KCND3: variants seen among roughly 807,000 people sequenced by gnomAD.
The protein encoded by KCND3 is potassium voltage-gated channel subfamily D member 3.
Under a neutral mutation model 51.1 loss-of-function variants are expected in KCND3, and 9 were observed. The ratio of observed to expected loss-of-function variants is 0.18; its 90% CI spans 0.11 to 0.31. The LOEUF (loss-of-function observed/expected upper bound fraction) is 0.31, where lower values mean the gene tolerates loss of function less well. Ranked by LOEUF, KCND3 falls within the 10% of genes least tolerant of loss-of-function variation. The probability of loss-of-function intolerance (pLI) is 1.00; values close to 1 mark genes in which losing one functional copy is unlikely to be tolerated. For synonymous variants in KCND3, 349 were observed against 368.0 expected (o/e 0.95, Z 0.59); for missense variants, 526 against 903.8 (o/e 0.58, Z 5.36).
intron 3 of KCND3, among the ~76,000 whole-genome samples, chr1:111,784,103 T>TCACACACACA (rs369429634): frequency 0.075 from 8,837 of 117,352 alleles, 300 homozygotes; most frequent in Non-Finnish European, 0.091. Flanking sequence ...CATTAACTTA[T>TCACACACACA]CACACACACA....
At chr1:111,816,730 G>T (rs1666107902) in intron 2 of KCND3, among the ~76,000 whole-genome samples, 1 of 152,220 alleles carries the variant, frequency 6.6e-6, no homozygotes, top group Admixed American at 6.5e-5. Context: ...GAAGTCATTT[G>T]TCTCAACTCA....
intron 2 of KCND3, among the ~76,000 whole-genome samples, chr1:111,873,456 G>A (rs538352931): frequency 6.6e-6 from 1 of 152,214 alleles, no homozygotes; most frequent in Non-Finnish European, 1.5e-5. Context: ...CTGAAGGAGA[G>A]AGTCTTACAC....
intron 2 of KCND3, among the ~76,000 whole-genome samples, chr1:111,800,800 CTGGT>C (rs1283239579): frequency 6.6e-6 from 1 of 152,228 alleles, no homozygotes; most frequent in Non-Finnish European, 1.5e-5. Context: ...TGGGGCATCC[CTGGT>C]TGGGGCTGGG....
At chr1:111,955,770 C>T (rs987253726) in intron 2 of KCND3, among the ~76,000 whole-genome samples, 3 of 152,142 alleles carry the variant, frequency 2.0e-5, no homozygotes, top group African/African-American at 7.2e-5. Flanking sequence ...GATGAAACAG[C>T]CAACATTGCG....
chr1:111,899,727 G>A (rs189155156), intron 2 of KCND3, among the ~76,000 whole-genome samples: 1 of 152,166 alleles, frequency 6.6e-6, no homozygotes, highest in Non-Finnish European at 1.5e-5. Flanking sequence ...TGTCAGCATA[G>A]GGCAGTTGCA....
chr1:111,774,971 G>C lies in KCND3; in HGVS notation c.*1106C>G, dbSNP rs990715782. On this transcript the variant is annotated 3_prime_UTR_variant, in exon 8 of 8. Coordinates refer to ENST00000302127, the MANE Select transcript of KCND3 (RefSeq NM_001378969.1). ...CATACCAGAGTTGACCGCGTCTCAG[G>C]TGTTGGCGATTTGCCTTTTCAAGAT... The C allele has an allele frequency of 2.6e-5, 4 of 152,180 alleles. No individual in the cohort carries two copies. Among genetic ancestry groups the C allele is most frequent in the African/African-American group, 9.7e-5 (4 of 41,424 alleles). 9.4% of individuals were successfully genotyped at this position (152,180 alleles called of 1,614,324 possible).
intron 2 of KCND3, among the ~76,000 whole-genome samples, chr1:111,878,910 G>A (rs1228362198): frequency 6.6e-6 from 1 of 152,200 alleles, no homozygotes; most frequent in Non-Finnish European, 1.5e-5. Flanking sequence ...ACTGAGTAAA[G>A]CAGATGGCCC....
At chr1:111,935,614 G>A (rs1672182718) in intron 2 of KCND3, among the ~76,000 whole-genome samples, 1 of 152,174 alleles carries the variant, frequency 6.6e-6, no homozygotes, top group African/African-American at 2.4e-5. Context: ...GATGGAGATG[G>A]TGACAGCCTC....
At chr1:111,826,636 G>T (rs1388229830) in intron 2 of KCND3, among the ~76,000 whole-genome samples, 1 of 152,168 alleles carries the variant, frequency 6.6e-6, no homozygotes, top group East Asian at 1.9e-4. Flanking sequence ...GGTTTACTAT[G>T]TCAACGAGTT....
At chr1:111,915,066 G>A (rs1188479253) in intron 2 of KCND3, among the ~76,000 whole-genome samples, 1 of 152,072 alleles carries the variant, frequency 6.6e-6, no homozygotes, top group Admixed American at 6.5e-5. Context: ...GGCAGATTTT[G>A]ATATGCTAAA....
chr1:111,987,814 G>A (rs1675372921), intron 1 of KCND3, among the ~76,000 whole-genome samples: 1 of 152,146 alleles, frequency 6.6e-6, no homozygotes, highest in Admixed American at 6.5e-5. Flanking sequence ...AGCTATTTTT[G>A]TTTTTGGCAG....
rs147262533 is a variant in KCND3 at position 111,776,155 on chromosome 1, C to T, written c.1890G>A (p.Arg630=). The change falls in exon 8 of 8, where the codon CGG becomes CGA. Residue 630 remains arginine, a synonymous_variant. Transcript: ENST00000302127. ...PPALTPEGES[R]PPPASPGPNT... ...TGGGGCCTGGGCTGGCAGGGGGTGG[C>T]CGACTTTCCCCCTCTGGGGTTAGCG... The T allele has an allele frequency of 6.4e-5, 104 of 1,614,196 alleles. No individual in the cohort carries two copies. In the African/African-American group the frequency reaches 1.3e-3, roughly 21 times the overall value.
intron 2 of KCND3, among the ~76,000 whole-genome samples, chr1:111,794,116 C>A (rs904179509): frequency 6.6e-6 from 1 of 152,222 alleles, no homozygotes; most frequent in Non-Finnish European, 1.5e-5. Flanking sequence ...TCTCTCCCAG[C>A]ACATCCTCAG....
chr1:111,864,227 G>A (rs1009532117), intron 2 of KCND3, among the ~76,000 whole-genome samples: 2 of 152,140 alleles, frequency 1.3e-5, no homozygotes, highest in African/African-American at 4.8e-5. Flanking sequence ...GGCACTCACT[G>A]ATAAGAGCTG....
intron 2 of KCND3, among the ~76,000 whole-genome samples, chr1:111,839,082 T>C (rs1236819122): frequency 6.6e-6 from 1 of 152,240 alleles, no homozygotes; most frequent in Non-Finnish European, 1.5e-5. Context: ...CTGCTCTATC[T>C]TTTTAGAGTT....
At chr1:111,817,490 C>G (rs2101588891) in intron 2 of KCND3, among the ~76,000 whole-genome samples, 1 of 152,216 alleles carries the variant, frequency 6.6e-6, no homozygotes, top group African/African-American at 2.4e-5. Context: ...CCGACACCGA[C>G]CCAAATGACT....
chr1:111,827,894 C>T (rs999178415), intron 2 of KCND3, among the ~76,000 whole-genome samples: 1 of 152,122 alleles, frequency 6.6e-6, no homozygotes, highest in Non-Finnish European at 1.5e-5. Flanking sequence ...GCCCTGCTAT[C>T]TTTTTTCTAG....
At chr1:111,796,192 T>C (rs1355887363) in intron 2 of KCND3, among the ~76,000 whole-genome samples, 1 of 152,250 alleles carries the variant, frequency 6.6e-6, no homozygotes, top group Non-Finnish European at 1.5e-5. Flanking sequence ...TTTAGTGTAA[T>C]TAGATCCCAT....
At chr1:111,912,537 C>T (rs920156797) in intron 2 of KCND3, among the ~76,000 whole-genome samples, 16 of 152,152 alleles carry the variant, frequency 1.1e-4, no homozygotes, top group South Asian at 4.1e-4. Context: ...GTAAAACAGC[C>T]TCAAGGAGGT....
Sources: gnomAD v4.1 joint callset for allele counts (sites outside exome capture counted in the v4.1 genomes callset) on GRCh38, gnomAD v4.1.1 for gene constraint, MANE v1.5 for transcripts, NCBI Gene and HGNC (gene_info 2026-07-23, HGNC 2026-07-21) for gene names.